NUP205: variants seen among roughly 807,000 people sequenced by gnomAD.
NUP205 encodes nuclear pore complex protein Nup205.
NUP205 carries 76 observed loss-of-function variants against 253.8 expected under a neutral mutation model. The observed-to-expected ratio is 0.30, with a 90% confidence interval of 0.25 to 0.36. The LOEUF is 0.36. Ranked by LOEUF, NUP205 falls within the 10% of genes least tolerant of loss-of-function variation. The pLI is 1.00. For missense variants in NUP205, 2,162 were observed against 2,425.5 expected (o/e 0.89, Z 2.28); for synonymous variants, 832 against 850.1 (o/e 0.98, Z 0.37).
rs901519093 is a variant in NUP205 at position 135,594,157 on chromosome 7, A to T, written c.1831-390A>T. On this transcript the variant is annotated intron_variant, in intron 12 of 42. Coordinates refer to ENST00000285968, the MANE Select transcript of NUP205 (RefSeq NM_015135.3). ...GATACTTGATACTGTATATCTCTAT[A>T]TTTTTTTTTGAGAAAAGGACAAGGT... is the stretch of plus-strand genomic sequence containing the variant. 2.0e-5 allele frequency among the ~76,000 whole-genome samples: 3 copies of T among 150,796 alleles called. No homozygotes were observed. The South Asian group carries it at 6.3e-4, about 32-fold the overall frequency.
Position 135,619,591 on chromosome 7 carries a change from C to T in NUP205, c.4132C>T (p.Pro1378Ser). The T allele has an allele frequency of 6.2e-7, 1 of 1,614,158 alleles. No individual in the cohort carries two copies. Among genetic ancestry groups the T allele is most frequent in the Non-Finnish European group, 8.5e-7 (1 of 1,180,018 alleles). Reference protein sequence around the residue: ...AFMLDSCFTSPPPEENPLVGF... With the variant: ...AFMLDSCFTSSPPEENPLVGF... ...TATGCTTGATAGTTGCTTCACCTCA[C>T]CTCCTCCTGAAGAGAACCCATTAGT... Residue 1378 changes from proline to serine, a missense_variant, in exon 29 of 43, where the codon CCT (proline) becomes TCT (serine). Physicochemically the swap from Pro to Ser is moderately conservative, Grantham distance 74. Coordinates refer to ENST00000285968, the MANE Select transcript of NUP205 (RefSeq NM_015135.3).
chr7:135,643,343 A>G lies in NUP205; in HGVS notation c.5544A>G (p.Pro1848=), dbSNP rs185170200. The change falls in exon 39 of 43, where the codon CCA becomes CCG. Residue 1848 remains proline, a synonymous_variant. Transcript: ENST00000285968. ...TACAAAATGTAGAGCAGCTTCCCCC[A>G]GATGAGATAAAAGAGGTACGAATCT... ...SKLQNVEQLP[P]DEIKELCQSV... The G allele has an allele frequency of 1.4e-5, 23 of 1,613,936 alleles. No homozygotes were observed. In the East Asian group the frequency reaches 4.7e-4, roughly 33 times the overall value.
At chr7:135,596,671 TG>T (rs1210798091) in intron 13 of NUP205, among the ~76,000 whole-genome samples, 39 of 152,132 alleles carry the variant, frequency 2.6e-4, no homozygotes, top group African/African-American at 8.2e-4. Flanking sequence ...GTTTACTGGC[TG>T]GGTGCAGTGA....
chr7:135,604,003 T>C (rs1794027732), intron 18 of NUP205, among the ~76,000 whole-genome samples: 1 of 152,062 alleles, frequency 6.6e-6, no homozygotes, highest in Admixed American at 6.5e-5. Flanking sequence ...CCTGTGTGTG[T>C]GTTTGTGTCT....
intron 31 of NUP205, among the ~76,000 whole-genome samples, chr7:135,624,643 C>G (rs1279401882): frequency 6.6e-6 from 1 of 152,118 alleles, no homozygotes; most frequent in Non-Finnish European, 1.5e-5. Context: ...TCCCAAAATG[C>G]TGGGATTACA....
intron 23 of NUP205, among the ~76,000 whole-genome samples, chr7:135,615,559 G>A (rs1267424207): frequency 2.0e-5 from 3 of 152,034 alleles, no homozygotes; most frequent in African/African-American, 7.2e-5. Context: ...AACTATGATA[G>A]TTTTTTGAGT....
At chr7:135,568,336 ATTGTTG>A (rs918057611) in intron 1 of NUP205, among the ~76,000 whole-genome samples, 20 of 151,426 alleles carry the variant, frequency 1.3e-4, no homozygotes, top group African/African-American at 4.4e-4. Flanking sequence ...TTAGTTTTTT[ATTGTTG>A]TTGTTGTTGA....
intron 1 of NUP205, among the ~76,000 whole-genome samples, chr7:135,560,657 A>G (rs1193265823): frequency 6.6e-6 from 1 of 152,226 alleles, no homozygotes; most frequent in African/African-American, 2.4e-5. Context: ...CTTAAAAAGG[A>G]AGGAAATCCT....
chr7:135,622,746 G>T, intron 30 of NUP205, 31 bp from the exon 31 acceptor site: 2 of 1,605,712 alleles, frequency 1.2e-6, no homozygotes, highest in Non-Finnish European at 1.7e-6. Flanking sequence ...GCTTTTTACT[G>T]GAGTGTTTTT....
chr7:135,578,356 C>G (rs1453688488), intron 6 of NUP205, among the ~76,000 whole-genome samples: 1 of 152,206 alleles, frequency 6.6e-6, no homozygotes, highest in Non-Finnish European at 1.5e-5. Context: ...CATTCTGAGA[C>G]AGTGACTGTC....
chr7:135,619,923 T>C, intron 30 of NUP205, 35 bp downstream of exon 30: 1 of 1,344,740 alleles, frequency 7.4e-7, no homozygotes, highest in African/African-American at 1.5e-5. Flanking sequence ...TTTTCTGGAT[T>C]GGGAGATGGT....
rs1481366911 is a variant in NUP205 at position 135,593,116 on chromosome 7, C to T, written c.1754C>T (p.Pro585Leu). 1 of 1,614,090 alleles carries T rather than the reference C, an allele frequency of 6.2e-7. No homozygotes were observed. The highest frequency in any genetic ancestry group is 1.1e-5 in the South Asian group (1 of 91,082). The change falls in exon 12 of 43, where the codon CCT (proline) becomes CTT (leucine). Residue 585 changes from proline (P) to leucine (L), a missense_variant. Physicochemically the swap from Pro to Leu is moderately conservative, Grantham distance 98. Transcript: ENST00000285968. ...GATAGTGTCCAGTACCGTCACCTTC[C>T]TTCCCGTGGCATCACCCAGAAGGAG... ...SADSVQYRHL[P>L]SRGITQKEQD...
intron 14 of NUP205, 167 bp from the exon 15 acceptor site, chr7:135,597,831 G>A: frequency 3.3e-6 from 2 of 607,638 alleles, no homozygotes; most frequent in Non-Finnish European, 5.7e-6. Flanking sequence ...TGACTCATCT[G>A]GATTCATATA....
chr7:135,636,412 C>G (rs532104979), intron 36 of NUP205, among the ~76,000 whole-genome samples: 1 of 152,108 alleles, frequency 6.6e-6, no homozygotes, highest in East Asian at 1.9e-4. Flanking sequence ...ATCACTGGGA[C>G]CGAGGGTATA....
intron 19 of NUP205, among the ~76,000 whole-genome samples, chr7:135,604,665 T>G (rs1794048408): frequency 6.6e-6 from 1 of 152,234 alleles, no homozygotes; most frequent in Non-Finnish European, 1.5e-5. Context: ...ACAGTGATAC[T>G]GCATAATTAT....
intron 35 of NUP205, among the ~76,000 whole-genome samples, chr7:135,634,263 G>A (rs973899425): frequency 1.3e-5 from 2 of 152,138 alleles, no homozygotes; most frequent in Admixed American, 6.6e-5. Context: ...TTGGAGTTGA[G>A]AGTGATTGAT....
chr7:135,595,938 A>T (rs991986027), intron 13 of NUP205, among the ~76,000 whole-genome samples: 51 of 147,412 alleles, frequency 3.5e-4, no homozygotes, highest in Admixed American at 1.7e-3. Flanking sequence ...AGCAAAAAAA[A>T]TTTTTTTTTT....
Position 135,606,201 on chromosome 7 carries a change from A to G in NUP205, c.2880A>G (p.Ala960=), listed in dbSNP as rs745400173. 2 of 1,612,590 alleles carry G rather than the reference A, an allele frequency of 1.2e-6. No homozygotes were observed. Among genetic ancestry groups the G allele is most frequent in the African/African-American group, 1.3e-5 (1 of 75,022 alleles). ...TGGAGTGTTTGGATTGTGAAGATGC[A>G]GAAGAATTTGTACGTCTGGAAGAGG... The part of the protein sequence containing the change: ...GFVECLDCED[A]EEFVRLEEGS... Residue 960 remains alanine, a synonymous_variant, in exon 20 of 43, where the codon GCA becomes GCG. Coordinates refer to ENST00000285968, the MANE Select transcript of NUP205 (RefSeq NM_015135.3).
At position 135,578,786 on chromosome 7, in the gene NUP205, C is replaced by G. The variant is rs1389099556; in HGVS notation, c.913C>G (p.Gln305Glu). The change falls in exon 7 of 43, where the codon CAG becomes GAG. Residue 305 changes from glutamine (Q) to glutamate (E), a missense_variant. Coordinates refer to ENST00000285968, the MANE Select transcript of NUP205 (RefSeq NM_015135.3). ...TCAACTTCCACTGTTGACAGAAAAA[C>G]AGTACATTGCAACAATTCACTCTCG... The part of the protein sequence containing the change: ...IHQLPLLTEK[Q>E]YIATIHSRLQ... 1.9e-6 allele frequency: 3 copies of G among 1,606,434 alleles called. No homozygotes were observed. The highest frequency in any genetic ancestry group is 3.5e-5 in the Admixed American group (2 of 57,886).
Sources: gnomAD v4.1 joint callset for allele counts (sites outside exome capture counted in the v4.1 genomes callset) on GRCh38, gnomAD v4.1.1 for gene constraint, MANE v1.5 for transcripts, NCBI Gene and HGNC (gene_info 2026-07-23, HGNC 2026-07-21) for gene names.